Variants in IGF2R observed in about 807,000 individuals in gnomAD.
IGF2R encodes insulin like growth factor 2 receptor, also known as cation-independent mannose-6-phosphate receptor.
In IGF2R, 91 loss-of-function variants were observed where a neutral mutation model predicts 270.6. The ratio of observed to expected loss-of-function variants is 0.34; its 90% CI spans 0.28 to 0.40. IGF2R has a LOEUF of 0.40. Ranked by LOEUF, IGF2R falls within the 10% of genes least tolerant of loss-of-function variation. The pLI is 1.00. For missense variants in IGF2R, 2,805 were observed against 3,188.3 expected (o/e 0.88, Z 2.90); for synonymous variants, 1,316 against 1,258.9 (o/e 1.05, Z -0.96).
chr6:160,100,983 G>C (rs1192815461), intron 45 of IGF2R, among the ~76,000 whole-genome samples: 1 of 150,218 alleles, frequency 6.7e-6, no homozygotes, highest in African/African-American at 2.4e-5. Context: ...GTAGAGATGG[G>C]GTTTCACCAT....
chr6:160,087,441 C>T (rs901408248), intron 41 of IGF2R, among the ~76,000 whole-genome samples: 3 of 152,160 alleles, frequency 2.0e-5, no homozygotes, highest in Non-Finnish European at 4.4e-5. Flanking sequence ...CAGGTAAGGC[C>T]CTCAAGGCTC....
intron 1 of IGF2R, among the ~76,000 whole-genome samples, chr6:159,981,132 C>T (rs976464615): frequency 2.0e-5 from 3 of 152,224 alleles, no homozygotes; most frequent in Non-Finnish European, 4.4e-5. Context: ...TCTGTTTCCC[C>T]TGCTGCTCTT....
At chr6:160,101,760 C>T (rs1372966066) in intron 45 of IGF2R, among the ~76,000 whole-genome samples, 4 of 152,244 alleles carry the variant, frequency 2.6e-5, no homozygotes, top group Non-Finnish European at 4.4e-5. Flanking sequence ...GCTCCCTAAG[C>T]GCAAAGGGAA....
intron 2 of IGF2R, among the ~76,000 whole-genome samples, chr6:159,995,349 A>C (rs1784036314): frequency 6.6e-6 from 1 of 152,042 alleles, no homozygotes; most frequent in Admixed American, 6.6e-5. Context: ...TTCTGTAAGC[A>C]ACATATGGTT....
rs1227159004 is a variant in IGF2R at position 160,012,773 on chromosome 6, T to TG, written c.513+1988_513+1989insG. Among the ~76,000 whole-genome samples, 268 of 125,670 alleles carry TG rather than the reference T, an allele frequency of 2.1e-3. 8 individuals carry two copies. The highest frequency in any genetic ancestry group is 3.7e-3 in the Non-Finnish European group (214 of 58,364). 82.4% of individuals were successfully genotyped at this position (125,670 alleles called of 152,430 possible). On this transcript the variant is annotated intron_variant, in intron 4 of 47. Coordinates refer to ENST00000356956, the MANE Select transcript of IGF2R (RefSeq NM_000876.4). The stretch of plus-strand genomic sequence containing the variant: ...TATATATATATATATATTTTTTTTT[T>TG]TTTTTGTTTGTTTGTTTGTTTATTT...
intron 1 of IGF2R, among the ~76,000 whole-genome samples, chr6:159,981,335 CTGAG>C (rs1055238617): frequency 1.3e-5 from 2 of 151,482 alleles, no homozygotes; most frequent in African/African-American, 2.4e-5. Context: ...GTGTGTGTGT[CTGAG>C]TGTGTGTGTG....
At chr6:160,075,686 G>A (rs778891837) in intron 35 of IGF2R, among the ~76,000 whole-genome samples, 161 bp from the exon 36 acceptor site, 15 of 152,206 alleles carry the variant, frequency 9.9e-5, no homozygotes, top group Admixed American at 1.3e-4. Flanking sequence ...CATCTGTCAA[G>A]CCTTCCAACT....
intron 6 of IGF2R, among the ~76,000 whole-genome samples, chr6:160,027,752 G>A (rs1777594962): frequency 6.6e-6 from 1 of 152,234 alleles, no homozygotes; most frequent in African/African-American, 2.4e-5. Flanking sequence ...GGGGAATGGT[G>A]TTCCTTATAA....
Position 160,105,049 on chromosome 6 carries a change from C to T in IGF2R, c.7441C>T (p.His2481Tyr), listed in dbSNP as rs1562381615. Residue 2481 changes from histidine to tyrosine, a missense_variant, in exon 48 of 48, where the codon CAT becomes TAT. Coordinates refer to ENST00000356956, the MANE Select transcript of IGF2R (RefSeq NM_000876.4). ...TVSSTKLVSF[H>Y]DDSDEDLLHI ...GAGCTCCACCAAGCTGGTGTCCTTC[C>T]ATGACGACAGCGACGAGGACCTCTT... 1 of 1,607,952 alleles carries T rather than the reference C, an allele frequency of 6.2e-7. No individual in the cohort carries two copies. Among genetic ancestry groups the T allele is most frequent in the Non-Finnish European group, 8.5e-7 (1 of 1,176,776 alleles).
In IGF2R at chr6:159,998,165, C is replaced by A. The variant is rs1784080736; in HGVS notation, c.289+6842C>A. ...GAAAGGCCACAAGTAATTCTGTTGGCCAGTGTTATGTAGGTGTTCAGAAAG... is the reference window on the plus strand; with the variant it reads ...GAAAGGCCACAAGTAATTCTGTTGGACAGTGTTATGTAGGTGTTCAGAAAG... On this transcript the variant is annotated intron_variant, in intron 2 of 47. Coordinates refer to ENST00000356956, the MANE Select transcript of IGF2R (RefSeq NM_000876.4). This position sits in a 1 kb window ranked among gnomAD's most constrained non-coding sequence, Gnocchi z 4.1. Among the ~76,000 whole-genome samples the A allele has an allele frequency of 6.6e-6, 1 of 152,152 alleles. No individual in the cohort carries two copies. Among genetic ancestry groups the A allele is most frequent in the Admixed American group, 6.5e-5 (1 of 15,288 alleles).
At position 160,068,242 on chromosome 6, in the gene IGF2R, T is replaced by C. The variant is rs753171095; in HGVS notation, c.4116-7T>C. 1.9e-6 allele frequency: 3 copies of C among 1,614,104 alleles called. No homozygotes were observed. Among genetic ancestry groups the C allele is most frequent in the Non-Finnish European group, 2.5e-6 (3 of 1,179,942 alleles). On this transcript the variant is annotated splice_polypyrimidine_tract_variant and splice_region_variant and intron_variant, in intron 29 of 47. Transcript: ENST00000356956. The stretch of plus-strand genomic sequence containing the variant: ...GCCTAACTAACTGCGGGTTTTCTTC[T>C]TTTCAGAGATGGGGCTGGCAACTCC...
At chr6:160,022,833 G>A (rs1355275147) in intron 4 of IGF2R, among the ~76,000 whole-genome samples, 1 of 152,204 alleles carries the variant, frequency 6.6e-6, no homozygotes, top group East Asian at 1.9e-4. Flanking sequence ...TAAGGGCGAT[G>A]TTTCATCAGA....
At chr6:160,016,744 AC>A (rs369430251) in intron 4 of IGF2R, among the ~76,000 whole-genome samples, 1 of 152,252 alleles carries the variant, frequency 6.6e-6, no homozygotes, top group African/African-American at 2.4e-5. Context: ...TGAGAAAGTC[AC>A]CACACAAAGC....
chr6:160,111,438 A>G lies in IGF2R; in HGVS notation c.*6354A>G, dbSNP rs1256594521. On this transcript the variant is annotated 3_prime_UTR_variant, in exon 48 of 48. Transcript: ENST00000356956. ...ATAATAAATATATTTTCTCCTCATG[A>G]TTTTCTTAAAACTTTTTCTGTATTT... is the stretch of plus-strand genomic sequence containing the variant. 1 of 152,010 alleles carries G rather than the reference A, an allele frequency of 6.6e-6. No individual in the cohort carries two copies. The highest frequency in any genetic ancestry group is 6.6e-5 in the Admixed American group (1 of 15,248). The allele number at this position is 152,010 out of a possible 1,614,324, so 9.4% of individuals were successfully genotyped here.
Position 160,104,802 on chromosome 6 carries a change from C to T in IGF2R, c.7194C>T (p.Ala2398=). Residue 2398 remains alanine, a synonymous_variant, in exon 48 of 48, where the codon GCC becomes GCT. Coordinates refer to ENST00000356956, the MANE Select transcript of IGF2R (RefSeq NM_000876.4). The part of the protein sequence containing the change: ...NGHITTKSVK[A]LSSLHGDDQD... Reference sequence around the variant, plus strand: ...ATATTACCACCAAGTCAGTGAAAGCCCTCAGCTCCCTGCATGGGGATGACC... The same window carrying T: ...ATATTACCACCAAGTCAGTGAAAGCTCTCAGCTCCCTGCATGGGGATGACC... 1.2e-6 allele frequency: 2 copies of T among 1,614,170 alleles called. No homozygotes were observed. The highest frequency in any genetic ancestry group is 1.7e-6 in the Non-Finnish European group (2 of 1,180,034).
chr6:159,970,695 A>C (rs1286804163), intron 1 of IGF2R, among the ~76,000 whole-genome samples: 1 of 152,240 alleles, frequency 6.6e-6, no homozygotes, highest in Non-Finnish European at 1.5e-5. Flanking sequence ...AGTATGATAC[A>C]GAGAAATGGT....
At chr6:160,070,105 G>A (rs370028221) in intron 31 of IGF2R, 47 bp downstream of exon 31, 55 of 1,583,908 alleles carry the variant, frequency 3.5e-5, no homozygotes, top group Non-Finnish European at 4.6e-5. Flanking sequence ...TTTGGGAATT[G>A]AGCCCATGTG....
rs139109340 is a variant in IGF2R at position 160,102,533 on chromosome 6, G to A, written c.6857G>A (p.Ser2286Asn). 9.7e-5 allele frequency: 156 copies of A among 1,612,300 alleles called. No individual in the cohort carries two copies. In the African/African-American group the frequency reaches 2.0e-3, roughly 21 times the overall value. Residue 2286 changes from serine (S) to asparagine (N), a missense_variant, in exon 46 of 48, where the codon AGC becomes AAC. Ser to Asn is a conservative substitution (Grantham distance 46). Coordinates refer to ENST00000356956, the MANE Select transcript of IGF2R (RefSeq NM_000876.4). This position sits in a 1 kb window ranked among gnomAD's most constrained non-coding sequence, Gnocchi z 4.5. ...AVCPLGVGFD[S>N]ENPGDDGQMH... Reference sequence around the variant, plus strand: ...CGTCCTTGCAGGGTGGGCTTTGACAGCGAGAATCCCGGGGACGACGGGCAG... The same window carrying A: ...CGTCCTTGCAGGGTGGGCTTTGACAACGAGAATCCCGGGGACGACGGGCAG...
At chr6:160,029,818 A>G (rs1777656102) in intron 7 of IGF2R, among the ~76,000 whole-genome samples, 163 bp downstream of exon 7, 1 of 151,864 alleles carries the variant, frequency 6.6e-6, no homozygotes, top group Admixed American at 6.5e-5. Context: ...TTCCTGGGAT[A>G]GCTTCTGTCA....
Sources: allele counts gnomAD v4.1 joint callset (sites outside exome capture counted in the v4.1 genomes callset), GRCh38; gene constraint gnomAD v4.1.1; non-coding constraint Gnocchi (gnomAD v3.1); transcripts MANE v1.5; gene names NCBI Gene and HGNC (gene_info 2026-07-23, HGNC 2026-07-21).